The following TMTC1 variants were observed in gnomAD, a reference collection of about 807,000 sequenced individuals.
The protein encoded by TMTC1 is protein O-mannosyl-transferase TMTC1.
A neutral mutation model predicts 104.8 loss-of-function variants in TMTC1; 73 were observed. The observed-to-expected ratio is 0.70, with a 90% CI of 0.58 to 0.85. The LOEUF (loss-of-function observed/expected upper bound fraction) is 0.85, where lower values mean the gene tolerates loss of function less well. Ranked by LOEUF, TMTC1 falls within the 40% of genes least tolerant of loss-of-function variation. The pLI is 0.00. For missense variants in TMTC1, 1,035 were observed against 1,096.1 expected, an observed-to-expected ratio of 0.94 and a Z score of 0.79; for synonymous variants, 434 against 428.7, an observed-to-expected ratio of 1.01 and a Z score of -0.15.
At chr12:29,777,615 CTA>C (rs35794293) in intron 1 of TMTC1, among the ~76,000 whole-genome samples, 91,672 of 151,704 alleles carry the variant, frequency 0.6, 28,198 homozygotes, top group South Asian at 0.72. Context: ...AGACTGTAGT[CTA>C]TAAAGTATAT....
At chr12:29,694,738 G>A (rs1354437230) in intron 5 of TMTC1, among the ~76,000 whole-genome samples, 1 of 152,034 alleles carries the variant, frequency 6.6e-6, no homozygotes, top group Non-Finnish European at 1.5e-5. Context: ...TCAGGAGCTC[G>A]AGACCAGCCT....
At chr12:29,659,898 G>A (rs775149062) in intron 5 of TMTC1, 44 of 1,535,228 alleles carry the variant, frequency 2.9e-5, no homozygotes, top group East Asian at 1.2e-4. Context: ...AATGTAAGGC[G>A]AAAATGAAGC....
intron 10 of TMTC1, among the ~76,000 whole-genome samples, chr12:29,552,331 T>A (rs1207381976): frequency 1.3e-5 from 2 of 152,242 alleles, no homozygotes; most frequent in Admixed American, 6.5e-5. Flanking sequence ...CATTAAATTT[T>A]AAAAATTATG....
chr12:29,580,113 T>C (rs1945935506), intron 8 of TMTC1, among the ~76,000 whole-genome samples: 1 of 151,854 alleles, frequency 6.6e-6, no homozygotes, highest in South Asian at 2.1e-4. Context: ...GGCCAAGGAG[T>C]AGAGACCAGC....
intron 6 of TMTC1, among the ~76,000 whole-genome samples, chr12:29,629,523 C>T (rs1938188079): frequency 6.6e-6 from 1 of 152,140 alleles, no homozygotes; most frequent in Non-Finnish European, 1.5e-5. Context: ...ACAGGTGTGT[C>T]CTTCACCTTG....
chr12:29,642,155 G>A (rs1186751897), intron 5 of TMTC1, among the ~76,000 whole-genome samples: 1 of 152,158 alleles, frequency 6.6e-6, no homozygotes, highest in East Asian at 1.9e-4. Flanking sequence ...CTAAAAGCTT[G>A]GAAAACATAT....
intron 5 of TMTC1, among the ~76,000 whole-genome samples, chr12:29,671,955 G>A (rs148611842): frequency 2.0e-5 from 3 of 152,302 alleles, no homozygotes; most frequent in East Asian, 1.9e-4. Context: ...AGCCTGCTCC[G>A]AAGCAATGAC....
intron 5 of TMTC1, among the ~76,000 whole-genome samples, chr12:29,671,836 G>A (rs180991828): frequency 3.9e-5 from 6 of 152,214 alleles, no homozygotes; most frequent in East Asian, 1.9e-4. Flanking sequence ...GGGAAGCTGC[G>A]GGAAAGACCT....
At chr12:29,517,625 A>G in intron 13 of TMTC1, 54 bp from the exon 14 acceptor site, 1 of 1,606,212 alleles carries the variant, frequency 6.2e-7, no homozygotes, top group South Asian at 1.1e-5. Flanking sequence ...TACATTTCCA[A>G]ATGTCTAGGC....
chr12:29,742,131 A>G (rs1942843090), intron 5 of TMTC1, among the ~76,000 whole-genome samples: 2 of 152,194 alleles, frequency 1.3e-5, no homozygotes, highest in Admixed American at 1.3e-4. Flanking sequence ...GTCAGGAACC[A>G]GAAGCTCTAG....
intron 5 of TMTC1, among the ~76,000 whole-genome samples, chr12:29,713,318 C>T (rs1941985748): frequency 6.7e-6 from 1 of 149,246 alleles, no homozygotes; most frequent in Non-Finnish European, 1.5e-5. Context: ...CACACACACA[C>T]ACACACACAC....
intron 1 of TMTC1, chr12:29,782,827 A>G (rs919365941): frequency 6.6e-6 from 1 of 152,076 alleles, no homozygotes; most frequent in Non-Finnish European, 1.5e-5. Context: ...TGCACCTTCT[A>G]AAGTCTAGAT....
intron 7 of TMTC1, among the ~76,000 whole-genome samples, chr12:29,585,222 G>T (rs575562636): frequency 6.6e-6 from 1 of 151,926 alleles, no homozygotes; most frequent in East Asian, 1.9e-4. Context: ...GTGTTTTTTG[G>T]CTGCATAAAT....
At chr12:29,728,542 A>C (rs755153151) in intron 5 of TMTC1, among the ~76,000 whole-genome samples, 1 of 152,176 alleles carries the variant, frequency 6.6e-6, no homozygotes. Context: ...CTTAGGACAC[A>C]GACCCCACGT....
At chr12:29,602,392 C>T (rs1332356861) in intron 7 of TMTC1, among the ~76,000 whole-genome samples, 1 of 152,206 alleles carries the variant, frequency 6.6e-6, no homozygotes, top group Non-Finnish European at 1.5e-5. Context: ...GATATACATG[C>T]ATCAGCCTCC....
At chr12:29,716,722 A>G (rs183279876) in intron 5 of TMTC1, among the ~76,000 whole-genome samples, 9 of 152,316 alleles carry the variant, frequency 5.9e-5, no homozygotes, top group Admixed American at 2.0e-4. Flanking sequence ...ATAATATAAA[A>G]TTCCAAGAGC....
chr12:29,760,511 A>T (rs1943319350), intron 2 of TMTC1, among the ~76,000 whole-genome samples: 1 of 152,206 alleles, frequency 6.6e-6, no homozygotes, highest in African/African-American at 2.4e-5. Context: ...TTATTAAATG[A>T]AAAAACTTAA....
intron 5 of TMTC1, among the ~76,000 whole-genome samples, chr12:29,649,464 A>G (rs948190488): frequency 1.3e-5 from 2 of 152,226 alleles, no homozygotes; most frequent in Non-Finnish European, 2.9e-5. Context: ...CCAAGCTGAC[A>G]AAACAGGACT....
chr12:29,584,154 T>A lies in TMTC1; in HGVS notation c.1251-580A>T, dbSNP rs190482216. Among the ~76,000 whole-genome samples the A allele has an allele frequency of 2.7e-4, 41 of 152,282 alleles. No homozygotes were observed. The East Asian group carries it at 7.7e-3, about 29-fold the overall frequency. ...CCTGAGCCTCACAACTTGGAGCTCA[T>A]CACAGACAAGATGCATTGATATGCC... On this transcript the variant is annotated intron_variant, in intron 7 of 17. Transcript: ENST00000539277.
Sources: allele counts gnomAD v4.1 joint callset (sites outside exome capture counted in the v4.1 genomes callset), GRCh38; gene constraint gnomAD v4.1.1; transcripts MANE v1.5; gene names NCBI Gene and HGNC (gene_info 2026-07-23, HGNC 2026-07-21).